IFT122: variants seen among roughly 807,000 people sequenced by gnomAD.
IFT122 encodes the protein intraflagellar transport 122.
In IFT122, 118 loss-of-function variants were observed where a neutral mutation model predicts 161.6. That is an observed-to-expected ratio of 0.73 (90% CI 0.63 to 0.85). The LOEUF (loss-of-function observed/expected upper bound fraction) is 0.85. Ranked by LOEUF, IFT122 falls within the 40% of genes least tolerant of loss-of-function variation. The pLI, the probability that IFT122 is intolerant of heterozygous loss-of-function variation, is 0.00. For missense variants in IFT122, 1,381 were observed against 1,579.6 expected (o/e 0.87, Z 2.13); for synonymous variants, 550 against 602.4 (o/e 0.91, Z 1.27).
chr3:129,487,904 A>T (rs1307275225), intron 15 of IFT122: 2 of 375,340 alleles, frequency 5.3e-6, no homozygotes, highest in Admixed American at 7.5e-5. Flanking sequence ...GTGACATTTC[A>T]ACAGGGCCTT....
chr3:129,485,739 G>A (rs370718087), intron 15 of IFT122, among the ~76,000 whole-genome samples: 19 of 152,266 alleles, frequency 1.2e-4, no homozygotes, highest in East Asian at 3.8e-4. Flanking sequence ...CAGAGGGGCA[G>A]CCTGGGGCTT....
intron 1 of IFT122, among the ~76,000 whole-genome samples, chr3:129,441,393 T>G (rs1037525626): frequency 3.3e-5 from 5 of 152,210 alleles, no homozygotes; most frequent in Admixed American, 2.6e-4. Context: ...GCTGACACTA[T>G]GTGCCAGGTG....
At chr3:129,459,400 C>T (rs2075918080) in intron 4 of IFT122, 1 of 400,122 alleles carries the variant, frequency 2.5e-6, no homozygotes, top group African/African-American at 2.1e-5. Flanking sequence ...CGCCATTCTC[C>T]TGCCTCAGCC....
intron 8 of IFT122, among the ~76,000 whole-genome samples, chr3:129,468,607 G>A (rs1358481784): frequency 6.6e-6 from 1 of 152,184 alleles, no homozygotes; most frequent in Non-Finnish European, 1.5e-5. Flanking sequence ...ACCTCCCAAA[G>A]TGCTGGAATT....
rs369889330 is a variant in IFT122, at chr3:129,457,344, G to A, written c.194-1255G>A. ...TTTCTTTGGCTTCCCATTGCTTTAG[G>A]ATAAAGAGCAAGGCCTCTGCTGTGT... On this transcript the variant is annotated intron_variant, in intron 3 of 29. Coordinates refer to ENST00000348417, the MANE Select transcript of IFT122 (RefSeq NM_052989.3). Among the ~76,000 whole-genome samples the A allele has an allele frequency of 3.9e-4, 60 of 152,240 alleles. 1 individual carries two copies. The South Asian group carries it at 9.5e-3, about 24-fold the overall frequency.
chr3:129,515,912 A>T (rs1043569277), intron 26 of IFT122, among the ~76,000 whole-genome samples: 4 of 152,148 alleles, frequency 2.6e-5, no homozygotes, highest in African/African-American at 7.2e-5. Context: ...GAGATAGGTT[A>T]TCAAGGCCCA....
At chr3:129,484,926 A>G (rs2079098163) in intron 15 of IFT122, among the ~76,000 whole-genome samples, 1 of 152,098 alleles carries the variant, frequency 6.6e-6, no homozygotes, top group Non-Finnish European at 1.5e-5. Flanking sequence ...GGCATGTGTA[A>G]TCTCCCACCA....
At chr3:129,514,314 C>G (rs1399527019) in intron 24 of IFT122, 75 bp from the exon 25 acceptor site, 2 of 1,519,852 alleles carry the variant, frequency 1.3e-6, no homozygotes, top group East Asian at 4.7e-5. Flanking sequence ...CAGCCTGGGG[C>G]TCACTCCAAG....
chr3:129,479,385 A>G (rs2108305947), intron 12 of IFT122, among the ~76,000 whole-genome samples: 1 of 152,226 alleles, frequency 6.6e-6, no homozygotes, highest in East Asian at 1.9e-4. Context: ...GCAGTGAGCT[A>G]TGATAGCGCC....
intron 12 of IFT122, among the ~76,000 whole-genome samples, chr3:129,478,954 A>G (rs1268895327): frequency 1.3e-5 from 2 of 152,184 alleles, no homozygotes; most frequent in Non-Finnish European, 2.9e-5. Flanking sequence ...CAAGATTCTT[A>G]GAGAGTGTCT....
intron 14 of IFT122, among the ~76,000 whole-genome samples, chr3:129,482,611 C>T (rs2078804784): frequency 6.6e-6 from 1 of 152,116 alleles, no homozygotes; most frequent in African/African-American, 2.4e-5. Flanking sequence ...AGAGGTAACT[C>T]CATGTCAGTC....
intron 1 of IFT122, among the ~76,000 whole-genome samples, chr3:129,440,633 C>G (rs999372870): frequency 6.6e-6 from 1 of 152,192 alleles, no homozygotes; most frequent in Non-Finnish European, 1.5e-5. Context: ...CTGGCCCTGT[C>G]GCTGCCTTGG....
chr3:129,441,707 A>C (rs1284629963), intron 1 of IFT122, among the ~76,000 whole-genome samples: 1 of 152,134 alleles, frequency 6.6e-6, no homozygotes, highest in East Asian at 1.9e-4. Flanking sequence ...CAACACTAGG[A>C]ATTGTATGTT....
At chr3:129,444,367 C>T (rs958866495) in intron 1 of IFT122, among the ~76,000 whole-genome samples, 50 of 152,110 alleles carry the variant, frequency 3.3e-4, no homozygotes, top group African/African-American at 1.2e-3. Flanking sequence ...GATAATCATC[C>T]TTGTTCCAGC....
intron 24 of IFT122, chr3:129,513,804 G>A: frequency 4.9e-6 from 1 of 205,962 alleles, no homozygotes; most frequent in Non-Finnish European, 1.0e-5. Context: ...CCTGGGGGCA[G>A]CCAACATCGG....
Position 129,515,237 on chromosome 3 carries a change from G to C in IFT122, c.3154-251G>C, listed in dbSNP as rs1364298755. On this transcript the variant is annotated intron_variant, in intron 25 of 29. Transcript: ENST00000348417. ...CACTGTCATTCCTGCCAGGGGAAAA[G>C]TGCCGTTGAGCGCTGCCTGTGCAGG... The C allele has an allele frequency of 1.5e-5, 9 of 595,398 alleles. No homozygotes were observed. The East Asian group carries it at 2.6e-4, about 17-fold the overall frequency. The allele number at this position is 595,398 out of a possible 1,614,324, so 36.9% of individuals were successfully genotyped here. A position where few individuals can be genotyped will look rare whatever the true frequency, so the allele number is the denominator to read the frequency against.
rs9990401 is a variant in IFT122 at position 129,500,132 on chromosome 3, T to C, written c.2375+64T>C. The C allele has an allele frequency of 5.2e-3, 8,071 of 1,562,498 alleles. 285 individuals carry two copies. The African/African-American group carries it at 0.085, about 16-fold the overall frequency. On this transcript the variant is annotated intron_variant, in intron 19 of 29. Coordinates refer to ENST00000348417, the MANE Select transcript of IFT122 (RefSeq NM_052989.3). ...ATGTCATCACATGTCACCTCTTGAC[T>C]GACAAGGGAACCAATAGTGCTTTTC...
At chr3:129,505,179 T>C (rs555617428) in intron 21 of IFT122, among the ~76,000 whole-genome samples, 1 of 152,334 alleles carries the variant, frequency 6.6e-6, no homozygotes, top group African/African-American at 2.4e-5. Flanking sequence ...AGGCTAAATG[T>C]GCCATGCCAA....
chr3:129,492,592 C>A (rs1027964292), intron 17 of IFT122, among the ~76,000 whole-genome samples: 1 of 152,078 alleles, frequency 6.6e-6, no homozygotes, highest in African/African-American at 2.4e-5. Context: ...AGGAGTTTCC[C>A]AAATGCACAT....
Sources: gnomAD v4.1 joint callset for allele counts (sites outside exome capture counted in the v4.1 genomes callset) on GRCh38, gnomAD v4.1.1 for gene constraint, MANE v1.5 for transcripts, NCBI Gene and HGNC (gene_info 2026-07-23, HGNC 2026-07-21) for gene names.